The following FRRS1 variants were observed in gnomAD, a reference collection of about 807,000 sequenced individuals.
The protein encoded by FRRS1 is ferric reductase 1.
A neutral mutation model predicts 70.7 loss-of-function variants in FRRS1; 51 were observed. The ratio of observed to expected loss-of-function variants is 0.72; its 90% confidence interval spans 0.58 to 0.91. The LOEUF is 0.91. Ranked by LOEUF, FRRS1 falls within the 40% of genes least tolerant of loss-of-function variation. The pLI, the probability that FRRS1 is intolerant of heterozygous loss-of-function variation, is 0.00. For missense variants in FRRS1, 672 were observed against 726.0 expected (o/e 0.93, Z 0.86); for synonymous variants, 225 against 238.7 (o/e 0.94, Z 0.53).
chr1:99,730,596 G>A (rs557043650), intron 7 of FRRS1, among the ~76,000 whole-genome samples: 40 of 152,012 alleles, frequency 2.6e-4, no homozygotes, highest in African/African-American at 9.2e-4. Flanking sequence ...GGCCGGGCGA[G>A]GTGGCTCACG....
At position 99,704,964 on chromosome 1, in the gene FRRS1, C is replaced by T. The variant is rs889663715; in HGVS notation, c.*4064G>A. The stretch of plus-strand genomic sequence containing the variant: ...TCGTTCTTCAAGCCCAGGTGTGATC[C>T]GATTCTCCTGGTACACCAAGGCAAG... On this transcript the variant is annotated 3_prime_UTR_variant, in exon 17 of 17. Coordinates refer to ENST00000646001, the MANE Select transcript of FRRS1 (RefSeq NM_001361041.2). Among the ~76,000 whole-genome samples, 6 of 152,228 alleles carry T rather than the reference C, an allele frequency of 3.9e-5. No individual in the cohort carries two copies. Among genetic ancestry groups the T allele is most frequent in the African/African-American group, 1.4e-4 (6 of 41,542 alleles).
chr1:99,758,917 G>T (rs1027492985), intron 1 of FRRS1, among the ~76,000 whole-genome samples: 1 of 152,082 alleles, frequency 6.6e-6, no homozygotes, highest in Admixed American at 6.6e-5. Flanking sequence ...ACTGAGATAC[G>T]CCCTGGTCTC....
intron 7 of FRRS1, among the ~76,000 whole-genome samples, chr1:99,730,821 C>T (rs1034512131): frequency 6.1e-5 from 9 of 148,716 alleles, no homozygotes; most frequent in East Asian, 2.0e-4. Flanking sequence ...GAGCCGAGAT[C>T]GCGCCACTGC....
At chr1:99,729,604 G>A (rs776332412) in intron 8 of FRRS1, 46 bp downstream of exon 8, 45 of 1,211,234 alleles carry the variant, frequency 3.7e-5, no homozygotes, top group East Asian at 2.1e-4. Context: ...CCACACAGCC[G>A]GAAAGCGGGT....
intron 5 of FRRS1, among the ~76,000 whole-genome samples, chr1:99,741,536 A>G (rs1212597238): frequency 6.6e-6 from 1 of 152,258 alleles, no homozygotes; most frequent in Non-Finnish European, 1.5e-5. Context: ...ATGGCATTAT[A>G]ACATTCCATT....
At chr1:99,764,582 C>T (rs570091755) in intron 1 of FRRS1, among the ~76,000 whole-genome samples, 2 of 152,222 alleles carry the variant, frequency 1.3e-5, no homozygotes, top group East Asian at 3.9e-4. Flanking sequence ...CCATTTAAAA[C>T]GCCGTCAACT....
chr1:99,764,348 A>C (rs986866050), intron 1 of FRRS1, among the ~76,000 whole-genome samples: 1 of 152,188 alleles, frequency 6.6e-6, no homozygotes, highest in Non-Finnish European at 1.5e-5. Context: ...GGATGGGAAG[A>C]GTGGGCTTCC....
rs375876497 is a variant in FRRS1 at position 99,712,832 on chromosome 1, G to A, written c.1324-317C>T. Among the ~76,000 whole-genome samples, 102 of 152,240 alleles carry A rather than the reference G, an allele frequency of 6.7e-4. No homozygotes were observed. The South Asian group carries it at 0.021, about 31-fold the overall frequency. On this transcript the variant is annotated intron_variant, in intron 12 of 16. Coordinates refer to ENST00000646001, the MANE Select transcript of FRRS1 (RefSeq NM_001361041.2). Reference sequence around the variant, plus strand: ...CACAGAGTATGTACATGGTTGTGGTGGAATCCATGTACAGAATGCTACCTT... The same window carrying A: ...CACAGAGTATGTACATGGTTGTGGTAGAATCCATGTACAGAATGCTACCTT...
chr1:99,748,692 C>T lies in FRRS1; in HGVS notation c.77G>A (p.Gly26Glu). Residue 26 changes from glycine to glutamate, a missense_variant, in exon 3 of 17, where the codon GGA (glycine) becomes GAA (glutamate). Gly to Glu is a moderately conservative substitution (Grantham distance 98). Transcript: ENST00000646001. Reference sequence around the variant, plus strand: ...TCCATGGCATGACTGTGTTACTTTTCCATTGGGATAATTAGCCACATAACT... The same window carrying T: ...TCCATGGCATGACTGTGTTACTTTTTCATTGGGATAATTAGCCACATAACT... ...HISYVANYPN[G>E]KVTQSCHGMI... 6.2e-7 allele frequency: 1 copy of T among 1,613,958 alleles called. No homozygotes were observed.
chr1:99,717,170 C>G (rs1654570131), intron 11 of FRRS1, among the ~76,000 whole-genome samples: 1 of 152,156 alleles, frequency 6.6e-6, no homozygotes, highest in African/African-American at 2.4e-5. Flanking sequence ...AAGGGACTCA[C>G]ATGGTCCTGA....
At chr1:99,710,702 G>A (rs1482896396) in intron 15 of FRRS1, 104 bp downstream of exon 15, 1 of 951,030 alleles carries the variant, frequency 1.1e-6, no homozygotes, top group Non-Finnish European at 1.5e-6. Flanking sequence ...AGTTTTTAGT[G>A]AGCTAACAAT....
At chr1:99,757,080 C>CTT (rs58835632) in intron 1 of FRRS1, among the ~76,000 whole-genome samples, 1 of 142,082 alleles carries the variant, frequency 7.0e-6, no homozygotes, top group South Asian at 2.2e-4. Flanking sequence ...AAAAGGGTCT[C>CTT]TTTTTTTTTT....
chr1:99,736,335 C>T (rs1479052280), intron 7 of FRRS1, among the ~76,000 whole-genome samples: 1 of 152,024 alleles, frequency 6.6e-6, no homozygotes, highest in Non-Finnish European at 1.5e-5. Flanking sequence ...GGGAAGGATT[C>T]ATTATTTCTT....
chr1:99,721,255 T>C (rs768534971), intron 9 of FRRS1, among the ~76,000 whole-genome samples: 2 of 151,942 alleles, frequency 1.3e-5, no homozygotes, highest in Non-Finnish European at 2.9e-5. Context: ...GGTGGGCACC[T>C]GTAATCCCAG....
At chr1:99,747,451 T>A in intron 3 of FRRS1, 21 bp from the exon 4 acceptor site, 1 of 1,604,184 alleles carries the variant, frequency 6.2e-7, no homozygotes, top group Non-Finnish European at 8.5e-7. Context: ...GACAAAAGGG[T>A]TGGTTAAAAA....
Position 99,740,266 on chromosome 1 carries a change from T to C in FRRS1, c.576+527A>G, listed in dbSNP as rs540833419. ...AGATTTATTTTCAAATGAAAACATATCCACCACCAGTAAAGACTACAGGTG... is the reference window on the plus strand; with the variant it reads ...AGATTTATTTTCAAATGAAAACATACCCACCACCAGTAAAGACTACAGGTG... On this transcript the variant is annotated intron_variant, in intron 6 of 16. Coordinates refer to ENST00000646001, the MANE Select transcript of FRRS1 (RefSeq NM_001361041.2). Among the ~76,000 whole-genome samples, 3 of 152,300 alleles carry C rather than the reference T, an allele frequency of 2.0e-5. No individual in the cohort carries two copies. The East Asian group carries it at 5.8e-4, about 29-fold the overall frequency.
chr1:99,717,583 A>T (rs759940299), intron 10 of FRRS1, 58 bp from the exon 11 acceptor site: 17 of 1,156,162 alleles, frequency 1.5e-5, no homozygotes, highest in Non-Finnish European at 2.0e-5. Flanking sequence ...CCATCGCTTA[A>T]ATGACCAAGC....
chr1:99,717,193 T>G (rs1018608317), intron 11 of FRRS1, among the ~76,000 whole-genome samples: 1 of 152,148 alleles, frequency 6.6e-6, no homozygotes, highest in Non-Finnish European at 1.5e-5. Flanking sequence ...CATTCTCCAG[T>G]CCAGCCTGAC....
chr1:99,742,037 T>G, intron 5 of FRRS1, 142 bp downstream of exon 5: 1 of 560,366 alleles, frequency 1.8e-6, no homozygotes. Flanking sequence ...TTCCTTTTTT[T>G]AGAGATGGGG....
Sources: gnomAD v4.1 joint callset for allele counts (sites outside exome capture counted in the v4.1 genomes callset) on GRCh38, gnomAD v4.1.1 for gene constraint, MANE v1.5 for transcripts, NCBI Gene and HGNC (gene_info 2026-07-23, HGNC 2026-07-21) for gene names.